Variants in CPXM2 observed in about 807,000 individuals in gnomAD.
The protein encoded by CPXM2 is carboxypeptidase X, M14 family member 2, also known as inactive carboxypeptidase-like protein X2.
A neutral mutation model predicts 86.1 loss-of-function variants in CPXM2; 66 were observed. The observed-to-expected ratio is 0.77, with a 90% CI of 0.63 to 0.94. CPXM2 has a LOEUF of 0.94. Among genes scored for constraint, CPXM2 ranks in the 40% least tolerant of loss-of-function variants. The probability of loss-of-function intolerance (pLI) is 0.00; values close to 1 mark genes in which losing one functional copy is unlikely to be tolerated. For missense variants in CPXM2, 948 were observed against 1,026.3 expected (o/e 0.92, Z 1.04); for synonymous variants, 388 against 400.2 (o/e 0.97, Z 0.36).
chr10:123,895,376 G>C (rs978635863), upstream of CPXM2, among the ~76,000 whole-genome samples: 9 of 151,990 alleles, frequency 5.9e-5, no homozygotes, highest in African/African-American at 2.2e-4. Flanking sequence ...CACCCGCCTT[G>C]GCCTCCCAAA....
chr10:123,859,735 T>C (rs112948597), intron 3 of CPXM2, among the ~76,000 whole-genome samples: 2,585 of 152,334 alleles, frequency 0.017, 72 homozygotes, highest in African/African-American at 0.058. Flanking sequence ...GTGATCCCCA[T>C]GCACGGCCTC....
intron 4 of CPXM2, among the ~76,000 whole-genome samples, chr10:123,802,180 G>C (rs1847473027): frequency 6.6e-6 from 1 of 152,178 alleles, no homozygotes; most frequent in African/African-American, 2.4e-5. Flanking sequence ...TCCTCTGCCA[G>C]GCAGTAGGGA....
At chr10:123,762,316 G>T in intron 10 of CPXM2, 147 bp from the exon 11 acceptor site, 1 of 1,173,572 alleles carries the variant, frequency 8.5e-7, no homozygotes, top group Non-Finnish European at 1.2e-6. Context: ...CTGGGAAAAT[G>T]TGAAGGAGAC....
chr10:123,762,208 A>C, intron 10 of CPXM2, 39 bp from the exon 11 acceptor site: 2 of 1,613,750 alleles, frequency 1.2e-6, no homozygotes, highest in Non-Finnish European at 8.5e-7. Flanking sequence ...ATAAGCAGGA[A>C]GTCATTTTAT....
chr10:123,792,277 T>C (rs952568551), intron 6 of CPXM2, among the ~76,000 whole-genome samples: 1 of 152,140 alleles, frequency 6.6e-6, no homozygotes, highest in Non-Finnish European at 1.5e-5. Context: ...ATCAAGTGTA[T>C]TGAGCACTAA....
At chr10:123,936,706 C>T (rs957988336) in intron 2 of CPXM2, among the ~76,000 whole-genome samples, 2 of 152,100 alleles carry the variant, frequency 1.3e-5, no homozygotes, top group African/African-American at 4.8e-5. Flanking sequence ...AGTCTCACAC[C>T]CTGCGGCACT....
chr10:123,905,625 G>T (rs547114751), intron 2 of CPXM2, among the ~76,000 whole-genome samples: 1 of 152,300 alleles, frequency 6.6e-6, no homozygotes, highest in Admixed American at 6.5e-5. Context: ...CCTGGGTCTA[G>T]GCTGCCTCCC....
chr10:123,891,873 G>A (rs1945282745), upstream of CPXM2: 3 of 153,686 alleles, frequency 2.0e-5, no homozygotes, highest in African/African-American at 7.3e-5. This position sits in a 1 kb window ranked among gnomAD's most constrained non-coding sequence, Gnocchi z 5.6. Flanking sequence ...GCGCGGGGCG[G>A]GCGCAGGGGG....
intron 1 of CPXM2, among the ~76,000 whole-genome samples, chr10:123,881,266 T>C (rs1945088640): frequency 1.8e-5 from 1 of 57,138 alleles, no homozygotes; most frequent in East Asian, 2.7e-4. Flanking sequence ...CCCTTCCCTT[T>C]ACGCTCAAGC....
intron 2 of CPXM2, among the ~76,000 whole-genome samples, chr10:123,901,785 C>G (rs1422236824): frequency 6.6e-6 from 1 of 152,204 alleles, no homozygotes; most frequent in Non-Finnish European, 1.5e-5. Flanking sequence ...ACCAACCAAT[C>G]AGAGTTCACC....
chr10:123,913,422 G>T (rs1488640326), intron 2 of CPXM2, among the ~76,000 whole-genome samples: 2 of 152,150 alleles, frequency 1.3e-5, no homozygotes, highest in African/African-American at 4.8e-5. Context: ...ATTGTTTAGG[G>T]GGCATTGGCT....
chr10:123,943,677 CA>C (rs761143242), upstream of CPXM2, among the ~76,000 whole-genome samples: 45 of 152,214 alleles, frequency 3.0e-4, no homozygotes, highest in Non-Finnish European at 8.8e-5. Flanking sequence ...AGGTATGTGC[CA>C]ACTGGCTGGA....
At chr10:123,924,097 ACT>A (rs2134281159) in intron 2 of CPXM2, among the ~76,000 whole-genome samples, 1 of 152,144 alleles carries the variant, frequency 6.6e-6, no homozygotes, top group Non-Finnish European at 1.5e-5. Context: ...TTCTTTCTAC[ACT>A]CTCACACACA....
In CPXM2 at chr10:123,746,529, C is replaced by T; in HGVS notation, c.*235G>A. 3.6e-6 allele frequency: 2 copies of T among 560,838 alleles called. No individual in the cohort carries two copies. Among genetic ancestry groups the T allele is most frequent in the South Asian group, 4.6e-5 (2 of 43,190 alleles). The allele number at this position is 560,838 out of a possible 1,614,324, so 34.7% of individuals were successfully genotyped here. A position where few individuals can be genotyped will look rare whatever the true frequency, so the allele number is the denominator to read the frequency against. ...GGTTGGCTTGCTGAGTTCTCTCACT[C>T]CCATCAGCTTTTCTCTGCTGCTCTG... On this transcript the variant is annotated 3_prime_UTR_variant, in exon 14 of 14. Coordinates refer to ENST00000241305, the MANE Select transcript of CPXM2 (RefSeq NM_198148.3).
At chr10:123,790,145 A>G (rs1024942707) in intron 6 of CPXM2, among the ~76,000 whole-genome samples, 4 of 152,164 alleles carry the variant, frequency 2.6e-5, no homozygotes, top group Non-Finnish European at 4.4e-5. Flanking sequence ...TAAAAAATAA[A>G]TAGAGAGCAG....
rs1344711604 is a variant in CPXM2 at position 123,761,955 on chromosome 10, G to T, written c.1694C>A (p.Ala565Asp). ...CTCCGTGTGGCACACCCTCCTCCGG[G>T]CGTCTGTCATGAGGCGGTGTGTGGA... ...YASTHRLMTD[A>D]RRRVCHTEDF... is the part of the protein sequence containing the mutation. Residue 565 changes from alanine (A) to aspartate (D), a missense_variant, in exon 11 of 14, where the codon GCC becomes GAC. By Grantham distance (126) the Ala-to-Asp change is moderately radical. Coordinates refer to ENST00000241305, the MANE Select transcript of CPXM2 (RefSeq NM_198148.3). 1.2e-6 allele frequency: 2 copies of T among 1,613,710 alleles called. No homozygotes were observed. Among genetic ancestry groups the T allele is most frequent in the Non-Finnish European group, 1.7e-6 (2 of 1,179,888 alleles).
intron 10 of CPXM2, 79 bp from the exon 11 acceptor site, chr10:123,762,248 G>T: frequency 6.3e-7 from 1 of 1,577,172 alleles, no homozygotes. Context: ...GGACATAGTC[G>T]AAAAAGCAGT....
Position 123,747,736 on chromosome 10 carries a change from G to A in CPXM2, c.2018-719C>T, listed in dbSNP as rs566308437. On this transcript the variant is annotated intron_variant, in intron 13 of 13. Coordinates refer to ENST00000241305, the MANE Select transcript of CPXM2 (RefSeq NM_198148.3). The stretch of plus-strand genomic sequence containing the variant: ...AGCTCTAGGCTAGATCCCTGTGGTG[G>A]GCACGGTGGTTCATGCCTGTAATCT... Among the ~76,000 whole-genome samples, 8 of 152,118 alleles carry A rather than the reference G, an allele frequency of 5.3e-5. No individual in the cohort carries two copies. The South Asian group carries it at 1.7e-3, about 32-fold the overall frequency.
At chr10:123,758,384 T>C (rs996145662) in intron 11 of CPXM2, among the ~76,000 whole-genome samples, 1 of 152,086 alleles carries the variant, frequency 6.6e-6, no homozygotes, top group African/African-American at 2.4e-5. Context: ...TGGCATTCTT[T>C]GTCTTGAGGC....
Sources: gnomAD v4.1 joint callset for allele counts (sites outside exome capture counted in the v4.1 genomes callset) on GRCh38, gnomAD v4.1.1 for gene constraint, Gnocchi (gnomAD v3.1) non-coding constraint, MANE v1.5 for transcripts, NCBI Gene and HGNC (gene_info 2026-07-23, HGNC 2026-07-21) for gene names.